Variants in MPHOSPH6 observed in about 807,000 individuals in gnomAD.
MPHOSPH6 encodes the protein M-phase phosphoprotein 6.
MPHOSPH6 carries 25 observed loss-of-function variants against 21.8 expected under a neutral mutation model. The ratio of observed to expected loss-of-function variants is 1.15; its 90% CI spans 0.83 to 1.60. MPHOSPH6 has a LOEUF of 1.60. MPHOSPH6 is among the 40% of genes most tolerant of loss of function. The probability of loss-of-function intolerance (pLI) is 0.00; values close to 1 mark genes in which losing one functional copy is unlikely to be tolerated. For missense variants in MPHOSPH6, 269 were observed against 181.8 expected (o/e 1.48, Z -2.76); for synonymous variants, 84 against 56.5 (o/e 1.49, Z -2.18).
At chr16:82,157,285 C>A (rs1329579160) in intron 2 of MPHOSPH6, among the ~76,000 whole-genome samples, 4 of 152,022 alleles carry the variant, frequency 2.6e-5, no homozygotes, top group African/African-American at 4.8e-5. Context: ...ATAGATATAC[C>A]GTGGTGTATC....
chr16:82,153,408 T>G (rs1355456590), intron 2 of MPHOSPH6, among the ~76,000 whole-genome samples: 1 of 152,098 alleles, frequency 6.6e-6, no homozygotes, highest in African/African-American at 2.4e-5. Context: ...TCAAATGAAG[T>G]AGACCCCATG....
intron 2 of MPHOSPH6, 115 bp downstream of exon 2, chr16:82,163,967 A>C (rs1906682418): frequency 1.5e-6 from 1 of 668,536 alleles, no homozygotes; most frequent in Non-Finnish European, 2.5e-6. Flanking sequence ...TAAATCAATA[A>C]ACTGAACAGA....
chr16:82,148,567 A>T lies in MPHOSPH6; in HGVS notation c.*164T>A. The T allele has an allele frequency of 2.4e-6, 2 of 844,600 alleles. No individual in the cohort carries two copies. Among genetic ancestry groups the T allele is most frequent in the Non-Finnish European group, 3.4e-6 (2 of 580,294 alleles). The allele number at this position is 844,600 out of a possible 1,614,324, so 52.3% of individuals were successfully genotyped here. On this transcript the variant is annotated 3_prime_UTR_variant, in exon 5 of 5. Transcript: ENST00000258169. ...TACCAAGAAGCAAAGGATGTACAAC[A>T]TCCATCACACATCTGTTTCAAAAAC...
chr16:82,163,429 G>T (rs767955391), intron 2 of MPHOSPH6, among the ~76,000 whole-genome samples: 1 of 152,180 alleles, frequency 6.6e-6, no homozygotes, highest in Non-Finnish European at 1.5e-5. Context: ...TTAGGGGTGG[G>T]CCAGAAACTG....
chr16:82,149,959 G>A (rs987564661), intron 3 of MPHOSPH6, among the ~76,000 whole-genome samples: 1 of 151,120 alleles, frequency 6.6e-6, no homozygotes, highest in Non-Finnish European at 1.5e-5. Context: ...TGCACCACAG[G>A]GTCTCTCCTC....
At chr16:82,161,360 C>T (rs1389435366) in intron 2 of MPHOSPH6, among the ~76,000 whole-genome samples, 4 of 152,094 alleles carry the variant, frequency 2.6e-5, no homozygotes, top group Non-Finnish European at 5.9e-5. Flanking sequence ...GTTTCAGGTC[C>T]CTATAGCTTC....
At chr16:82,152,866 T>C (rs1302828366) in intron 2 of MPHOSPH6, among the ~76,000 whole-genome samples, 1 of 152,214 alleles carries the variant, frequency 6.6e-6, no homozygotes, top group East Asian at 1.9e-4. Context: ...TAAGGCTTGT[T>C]TGCCGGAGTA....
chr16:82,165,841 A>C (rs1234159315), intron 1 of MPHOSPH6, among the ~76,000 whole-genome samples: 1 of 116,448 alleles, frequency 8.6e-6, no homozygotes, highest in Non-Finnish European at 2.0e-5. Context: ...TCACCTAACA[A>C]TGCATGTTTC....
intron 2 of MPHOSPH6, among the ~76,000 whole-genome samples, chr16:82,162,497 T>C (rs568252768): frequency 7.9e-5 from 12 of 152,240 alleles, no homozygotes; most frequent in African/African-American, 2.7e-4. Context: ...TAGGATGACC[T>C]TGGGCTGGCC....
chr16:82,170,096 C>T, intron 1 of MPHOSPH6, 29 bp downstream of exon 1: 1 of 1,580,606 alleles, frequency 6.3e-7, no homozygotes, highest in Non-Finnish European at 8.6e-7. Flanking sequence ...CCCCTACCGC[C>T]CGGAGTGGCG....
Position 82,164,100 on chromosome 16 carries a change from G to C in MPHOSPH6, c.146C>G (p.Pro49Arg). The change falls in exon 2 of 5, where the codon CCA (proline) becomes CGA (arginine). Residue 49 changes from proline (P) to arginine (R), a missense_variant. Coordinates refer to ENST00000258169, the MANE Select transcript of MPHOSPH6 (RefSeq NM_005792.2). ...AACCTACTCTTTCTCTTTAAGCTCT[G>C]GCAAATCCAAGTACCAGTGCTCTTC... ...ISEEHWYLDL[P>R]ELKEKESFII... is the part of the protein sequence containing the mutation. The C allele has an allele frequency of 1.2e-6, 2 of 1,611,534 alleles. No individual in the cohort carries two copies. The highest frequency in any genetic ancestry group is 1.7e-6 in the Non-Finnish European group (2 of 1,178,780).
Position 82,161,827 on chromosome 16 carries a change from G to A in MPHOSPH6, c.164+2255C>T, listed in dbSNP as rs984697713. ...ATTCCCCTACATGGTCTAGCCACTG[G>A]CTAAAAGTGTCCCCTGTGAGGCAGT... On this transcript the variant is annotated intron_variant, in intron 2 of 4. Coordinates refer to ENST00000258169, the MANE Select transcript of MPHOSPH6 (RefSeq NM_005792.2). 3.9e-5 allele frequency among the ~76,000 whole-genome samples: 6 copies of A among 152,196 alleles called. No individual in the cohort carries two copies. The South Asian group carries it at 8.3e-4, about 21-fold the overall frequency.
At chr16:82,166,733 G>A (rs960975026) in intron 1 of MPHOSPH6, among the ~76,000 whole-genome samples, 1 of 152,132 alleles carries the variant, frequency 6.6e-6, no homozygotes, top group Non-Finnish European at 1.5e-5. Flanking sequence ...TTCTTTAAAT[G>A]CAGATGCCTC....
Position 82,148,799 on chromosome 16 carries a change from C to T in MPHOSPH6, c.415G>A (p.Glu139Lys), listed in dbSNP as rs774859632. The T allele has an allele frequency of 2.5e-6, 4 of 1,614,104 alleles. No individual in the cohort carries two copies. In the East Asian group the frequency reaches 8.9e-5, roughly 36 times the overall value. ...GTTATGTCTCCATTTTCATCTTCTT[C>T]ATAATTGGCATGGTCTCTCTTTCTG... The part of the protein sequence containing the change: ...FARKRDHANY[E>K]EDENGDITPI... Residue 139 changes from glutamate (E) to lysine (K), a missense_variant, in exon 5 of 5, where the codon GAA becomes AAA. Glu to Lys is a moderately conservative substitution (Grantham distance 56). Coordinates refer to ENST00000258169, the MANE Select transcript of MPHOSPH6 (RefSeq NM_005792.2).
intron 2 of MPHOSPH6, among the ~76,000 whole-genome samples, chr16:82,159,676 G>C (rs1906545697): frequency 6.6e-6 from 1 of 152,178 alleles, no homozygotes. Context: ...AAAGTGCTGG[G>C]ATTACAGGTG....
At chr16:82,155,668 C>T (rs1201857730) in intron 2 of MPHOSPH6, among the ~76,000 whole-genome samples, 1 of 152,040 alleles carries the variant, frequency 6.6e-6, no homozygotes, top group African/African-American at 2.4e-5. Flanking sequence ...CTTTGGGAGG[C>T]CAAGGTGGGC....
chr16:82,150,954 T>C (rs946513920), intron 3 of MPHOSPH6: 5 of 154,130 alleles, frequency 3.2e-5, no homozygotes, highest in African/African-American at 1.2e-4. Flanking sequence ...AGCTCAGTTA[T>C]AAGGCAAATA....
Position 82,164,177 on chromosome 16 carries a change from C to T in MPHOSPH6, c.69G>A (p.Leu23=). Reference sequence around the variant, plus strand: ...CTAGTTGTTTCTTGGTTTCTGAGTCCAGTCCCCTTTGCATAAACTGTGAAA... The same window carrying T: ...CTAGTTGTTTCTTGGTTTCTGAGTCTAGTCCCCTTTGCATAAACTGTGAAA... ...LLRMKFMQRG[L]DSETKKQLEE... Residue 23 remains leucine, a synonymous_variant, in exon 2 of 5, where the codon CTG becomes CTA. Coordinates refer to ENST00000258169, the MANE Select transcript of MPHOSPH6 (RefSeq NM_005792.2). The T allele has an allele frequency of 6.2e-7, 1 of 1,609,982 alleles. No individual in the cohort carries two copies. Among genetic ancestry groups the T allele is most frequent in the Admixed American group, 1.7e-5 (1 of 59,982 alleles).
chr16:82,170,073 G>T (rs1567618041), intron 1 of MPHOSPH6, 52 bp downstream of exon 1: 1 of 1,553,416 alleles, frequency 6.4e-7, no homozygotes, highest in East Asian at 2.6e-5. Context: ...GGCCAGGTTG[G>T]AAGGACCGGG....
Sources: gnomAD v4.1 joint callset for allele counts (sites outside exome capture counted in the v4.1 genomes callset) on GRCh38, gnomAD v4.1.1 for gene constraint, MANE v1.5 for transcripts, NCBI Gene and HGNC (gene_info 2026-07-23, HGNC 2026-07-21) for gene names.